The following SHB variants were observed in gnomAD, a reference collection of about 807,000 sequenced individuals.
The protein encoded by SHB is SH2 domain containing adaptor protein B.
Under a neutral mutation model 52.3 loss-of-function variants are expected in SHB, and 20 were observed. That is an observed-to-expected ratio of 0.38 (90% CI 0.27 to 0.56). SHB has a LOEUF of 0.56. Ranked by LOEUF, SHB falls within the 20% of genes least tolerant of loss-of-function variation. The pLI, the probability that SHB is intolerant of heterozygous loss-of-function variation, is 0.71. For synonymous variants in SHB, 397 were observed against 316.5 expected (o/e 1.25, Z -2.70); for missense variants, 825 against 723.3 (o/e 1.14, Z -1.61).
At chr9:37,985,309 A>G (rs2244449) in intron 2 of SHB, among the ~76,000 whole-genome samples, 145,973 of 152,344 alleles carry the variant, frequency 0.96, 70,248 homozygotes, top group East Asian at 1. Flanking sequence ...GGGTCTTCTC[A>G]TGAGCCCCTC....
At chr9:37,943,168 A>G (rs1175879509) in intron 5 of SHB, among the ~76,000 whole-genome samples, 1 of 152,126 alleles carries the variant, frequency 6.6e-6, no homozygotes, top group Non-Finnish European at 1.5e-5. Context: ...CTCTGGGCCC[A>G]TTCTCTCTGC....
At chr9:37,925,969 C>A (rs1044356409) in intron 5 of SHB, among the ~76,000 whole-genome samples, 93 of 152,090 alleles carry the variant, frequency 6.1e-4, no homozygotes, top group African/African-American at 2.1e-3. Context: ...GGGAGCACTG[C>A]CTCTATGCTT....
intron 3 of SHB, among the ~76,000 whole-genome samples, chr9:37,966,540 A>G (rs1016340499): frequency 1.3e-5 from 2 of 152,234 alleles, no homozygotes; most frequent in Non-Finnish European, 2.9e-5. Context: ...TCCTGGGCAG[A>G]CCTGCTGTTC....
intron 3 of SHB, among the ~76,000 whole-genome samples, chr9:37,961,622 T>A (rs943504949): frequency 2.0e-5 from 3 of 152,252 alleles, no homozygotes; most frequent in Non-Finnish European, 4.4e-5. Flanking sequence ...AGATCTATCA[T>A]CTGCCTTTTT....
intron 5 of SHB, among the ~76,000 whole-genome samples, chr9:37,939,252 T>C (rs1832410054): frequency 6.6e-6 from 1 of 152,164 alleles, no homozygotes; most frequent in Admixed American, 6.5e-5. Context: ...TGAGTGCAAA[T>C]GGAGAACTTC....
chr9:38,066,161 T>G (rs1257792631), intron 1 of SHB, among the ~76,000 whole-genome samples: 2 of 152,226 alleles, frequency 1.3e-5, no homozygotes, highest in East Asian at 3.8e-4. Context: ...TTAAATATCT[T>G]GACATCCTGG....
intron 5 of SHB, among the ~76,000 whole-genome samples, chr9:37,940,296 G>A (rs1409904023): frequency 2.0e-5 from 3 of 152,208 alleles, no homozygotes; most frequent in Non-Finnish European, 4.4e-5. Context: ...TCTGAATAAA[G>A]GGAAATGTCA....
At chr9:37,949,185 C>T (rs112332676) in intron 4 of SHB, among the ~76,000 whole-genome samples, 1 of 151,964 alleles carries the variant, frequency 6.6e-6, no homozygotes, top group Non-Finnish European at 1.5e-5. Flanking sequence ...CACCTGAGGT[C>T]AGTTCAAAAC....
chr9:38,064,203 C>A (rs1252744248), intron 1 of SHB, among the ~76,000 whole-genome samples: 1 of 151,956 alleles, frequency 6.6e-6, no homozygotes, highest in Non-Finnish European at 1.5e-5. Context: ...ACCAGAACTA[C>A]AACTGTCCCC....
chr9:37,958,503 G>A (rs987181005), intron 3 of SHB, among the ~76,000 whole-genome samples: 4 of 152,188 alleles, frequency 2.6e-5, no homozygotes, highest in Non-Finnish European at 5.9e-5. Context: ...CCACAGCTCC[G>A]TGATGCCAGG....
chr9:38,060,610 A>C (rs1263224710), intron 1 of SHB, among the ~76,000 whole-genome samples: 2 of 152,234 alleles, frequency 1.3e-5, no homozygotes, highest in African/African-American at 4.8e-5. Flanking sequence ...CATACAAAGC[A>C]CACAGAACTG....
chr9:37,962,496 T>C (rs1189134960), intron 3 of SHB, among the ~76,000 whole-genome samples: 1 of 145,572 alleles, frequency 6.9e-6, no homozygotes, highest in Admixed American at 7.2e-5. Context: ...TTTTGAAAAA[T>C]GGCTTCATCT....
intron 1 of SHB, among the ~76,000 whole-genome samples, chr9:38,034,368 A>C (rs1821455602): frequency 5.3e-5 from 8 of 152,234 alleles, no homozygotes; most frequent in Admixed American, 3.9e-4. Flanking sequence ...TAATGATGTT[A>C]TGATCCACCA....
At chr9:37,953,862 C>T in intron 4 of SHB, among the ~76,000 whole-genome samples, 1 of 152,114 alleles carries the variant, frequency 6.6e-6, no homozygotes, top group Admixed American at 6.5e-5. Context: ...ACTTCTGACT[C>T]ATCTTGGGGA....
intron 3 of SHB, among the ~76,000 whole-genome samples, chr9:37,969,916 A>G (rs1820572255): frequency 6.6e-6 from 1 of 152,208 alleles, no homozygotes; most frequent in Admixed American, 6.5e-5. Context: ...ACAGAGCAAG[A>G]AGGCCATTTC....
At chr9:38,067,273 G>A (rs980662663) in intron 1 of SHB, among the ~76,000 whole-genome samples, 1 of 152,170 alleles carries the variant, frequency 6.6e-6, no homozygotes, top group Non-Finnish European at 1.5e-5. Flanking sequence ...CGCGCGCAGC[G>A]GGAGGAACTG....
intron 5 of SHB, among the ~76,000 whole-genome samples, chr9:37,946,205 C>G (rs958636313): frequency 6.6e-6 from 1 of 152,224 alleles, no homozygotes; most frequent in African/African-American, 2.4e-5. Context: ...CGTCCTCTAC[C>G]TTCCCCACCA....
intron 3 of SHB, among the ~76,000 whole-genome samples, chr9:37,957,659 C>A (rs770814965): frequency 2.0e-5 from 3 of 152,214 alleles, no homozygotes; most frequent in Non-Finnish European, 4.4e-5. Flanking sequence ...ACTAGGCACA[C>A]TTCAAGGCTG....
intron 4 of SHB, among the ~76,000 whole-genome samples, chr9:37,954,281 T>C (rs924091358): frequency 6.6e-6 from 1 of 152,222 alleles, no homozygotes; most frequent in African/African-American, 2.4e-5. Flanking sequence ...AAACCCTGCA[T>C]CCTGCTCACC....
Sources: allele counts gnomAD v4.1 joint callset (sites outside exome capture counted in the v4.1 genomes callset), GRCh38; gene constraint gnomAD v4.1.1; transcripts MANE v1.5; gene names NCBI Gene and HGNC (gene_info 2026-07-23, HGNC 2026-07-21).